Variants in TCF7L2 observed in about 807,000 individuals in gnomAD.
TCF7L2 encodes transcription factor 7-like 2.
In TCF7L2, 23 loss-of-function variants were observed where a neutral mutation model predicts 77.9. That is an observed-to-expected ratio of 0.30 (90% CI 0.21 to 0.42). The LOEUF (loss-of-function observed/expected upper bound fraction) is 0.42. Among genes scored for constraint, TCF7L2 ranks in the 10% least tolerant of loss-of-function variants. The pLI, the probability that TCF7L2 is intolerant of heterozygous loss-of-function variation, is 1.00. For synonymous variants in TCF7L2, 413 were observed against 340.2 expected, an observed-to-expected ratio of 1.21 and a Z score of -2.36; for missense variants, 654 against 793.1, an observed-to-expected ratio of 0.82 and a Z score of 2.11.
At position 112,961,255 on chromosome 10, in the gene TCF7L2, C is replaced by CCG. The variant is rs757630825; in HGVS notation, c.382-3300_382-3299insGC. ...GTCTCGAACTCCCGACCTCAGGTGA[C>CCG]CCCCCCCCCCCCAACCTCGGCCTTC... On this transcript the variant is annotated intron_variant, in intron 3 of 13. Transcript: ENST00000627217. Among the ~76,000 whole-genome samples the CCG allele has an allele frequency of 2.4e-3, 117 of 49,780 alleles. 4 individuals are homozygous for CCG. Among genetic ancestry groups the CCG allele is most frequent in the Middle Eastern group, 9.1e-3 (1 of 110 alleles). 32.7% of individuals were successfully genotyped at this position (49,780 alleles called of 152,430 possible). A position where few individuals can be genotyped will look rare whatever the true frequency, so the allele number is the denominator to read the frequency against.
chr10:113,030,172 C>T (rs924691494), intron 4 of TCF7L2, among the ~76,000 whole-genome samples: 9 of 152,162 alleles, frequency 5.9e-5, no homozygotes, highest in Non-Finnish European at 1.2e-4. Flanking sequence ...AATCATACAC[C>T]ATGAAACTTT....
intron 4 of TCF7L2, among the ~76,000 whole-genome samples, chr10:113,037,712 C>A (rs17685538): frequency 6.6e-6 from 1 of 152,148 alleles, no homozygotes; most frequent in African/African-American, 2.4e-5. Context: ...CCTAATTCTA[C>A]AGAGCTGGTA....
intron 5 of TCF7L2, among the ~76,000 whole-genome samples, chr10:113,084,873 GT>G (rs1225367483): frequency 6.6e-6 from 1 of 150,868 alleles, no homozygotes; most frequent in African/African-American, 2.4e-5. Flanking sequence ...TCCAGCCTGG[GT>G]GACAAAGTGA....
At chr10:113,117,367 C>A (rs981104683) in intron 5 of TCF7L2, among the ~76,000 whole-genome samples, 1 of 4,162 alleles carries the variant, frequency 2.4e-4, no homozygotes, top group Non-Finnish European at 7.9e-4. Flanking sequence ...AAGGGATTTT[C>A]TCTCTCTCTC....
chr10:113,009,817 G>A (rs773543311), intron 4 of TCF7L2, among the ~76,000 whole-genome samples: 5 of 152,184 alleles, frequency 3.3e-5, no homozygotes, highest in African/African-American at 1.2e-4. Context: ...AAGACAACCC[G>A]GTGAGTCTCA....
chr10:112,950,975 T>G (rs761135082), intron 1 of TCF7L2, 30 bp downstream of exon 1: 1 of 1,588,942 alleles, frequency 6.3e-7, no homozygotes, highest in African/African-American at 1.4e-5. Context: ...CTGGTGGGGT[T>G]TTTTATCTGT....
chr10:113,139,770 A>G (rs923992194), intron 5 of TCF7L2, among the ~76,000 whole-genome samples: 16 of 151,602 alleles, frequency 1.1e-4, no homozygotes, highest in African/African-American at 3.2e-4. Context: ...TACCTGTGGT[A>G]AGAAATGCTG....
chr10:112,991,681 G>A (rs1445147978), intron 4 of TCF7L2, among the ~76,000 whole-genome samples: 7 of 152,108 alleles, frequency 4.6e-5, no homozygotes, highest in African/African-American at 1.7e-4. Flanking sequence ...GTTACATATG[G>A]AGCAGAGACA....
chr10:113,113,140 C>CT (rs2063334940), intron 5 of TCF7L2, among the ~76,000 whole-genome samples: 1 of 152,020 alleles, frequency 6.6e-6, no homozygotes, highest in African/African-American at 2.4e-5. Context: ...AACCAAAAAC[C>CT]CAAACACTGG....
intron 5 of TCF7L2, among the ~76,000 whole-genome samples, chr10:113,076,422 A>G (rs116929578): frequency 0.029 from 4,359 of 152,238 alleles, 88 homozygotes; most frequent in Admixed American, 0.044. Context: ...ACATGCGTGA[A>G]ACACCACACC....
intron 4 of TCF7L2, among the ~76,000 whole-genome samples, chr10:113,012,648 A>G (rs923572535): frequency 2.0e-5 from 3 of 152,146 alleles, no homozygotes; most frequent in African/African-American, 7.2e-5. Flanking sequence ...GAGCTGCAGG[A>G]AGGCCTTTAA....
intron 11 of TCF7L2, 102 bp from the exon 12 acceptor site, chr10:113,157,919 A>G: frequency 8.2e-7 from 1 of 1,224,726 alleles, no homozygotes; most frequent in African/African-American, 1.5e-5. Context: ...TGGAGATGGC[A>G]GTATGGTCAC....
chr10:113,135,422 C>T (rs1208769596), intron 5 of TCF7L2, among the ~76,000 whole-genome samples: 1 of 152,114 alleles, frequency 6.6e-6, no homozygotes, highest in Non-Finnish European at 1.5e-5. Flanking sequence ...ACCCATGGAG[C>T]CTAAGGAACC....
intron 4 of TCF7L2, among the ~76,000 whole-genome samples, chr10:112,972,971 C>G (rs1156611790): frequency 1.3e-5 from 2 of 152,190 alleles, no homozygotes; most frequent in Non-Finnish European, 2.9e-5. Flanking sequence ...GTAACTATTG[C>G]CTGCTCAAAG....
At chr10:113,081,335 A>T (rs985764812) in intron 5 of TCF7L2, among the ~76,000 whole-genome samples, 2 of 152,224 alleles carry the variant, frequency 1.3e-5, no homozygotes, top group African/African-American at 4.8e-5. Context: ...GCTGCTTGGG[A>T]GAAGGAGCGT....
intron 5 of TCF7L2, among the ~76,000 whole-genome samples, chr10:113,068,972 T>A (rs2057606860): frequency 6.6e-6 from 1 of 151,552 alleles, no homozygotes; most frequent in African/African-American, 2.4e-5. Flanking sequence ...TGCCTACCCT[T>A]CTTTGGATGG....
intron 5 of TCF7L2, among the ~76,000 whole-genome samples, chr10:113,136,860 A>G (rs2067488830): frequency 1.3e-5 from 2 of 152,292 alleles, no homozygotes; most frequent in South Asian, 2.1e-4. Flanking sequence ...TTTGAACACA[A>G]TTCTTAAAGA....
chr10:112,962,145 T>G (rs1039415727), intron 3 of TCF7L2, among the ~76,000 whole-genome samples: 5 of 152,162 alleles, frequency 3.3e-5, no homozygotes, highest in Non-Finnish European at 7.4e-5. Flanking sequence ...TGTGACTATA[T>G]GAATTTTTTT....
intron 5 of TCF7L2, among the ~76,000 whole-genome samples, chr10:113,112,444 A>G (rs1188823613): frequency 6.6e-6 from 1 of 152,212 alleles, no homozygotes; most frequent in Non-Finnish European, 1.5e-5. Context: ...AGCGACTGGC[A>G]AGGCTCAGAA....
Sources: gnomAD v4.1 joint callset for allele counts (sites outside exome capture counted in the v4.1 genomes callset) on GRCh38, gnomAD v4.1.1 for gene constraint, MANE v1.5 for transcripts, NCBI Gene and HGNC (gene_info 2026-07-23, HGNC 2026-07-21) for gene names.